Variants in TECPR2 observed in about 807,000 individuals in gnomAD.
TECPR2 encodes the protein tectonin beta-propeller repeat-containing protein 2.
In TECPR2, 65 loss-of-function variants were observed where a neutral mutation model predicts 138.1. The ratio of observed to expected loss-of-function variants is 0.47; its 90% confidence interval spans 0.39 to 0.58. TECPR2 has a LOEUF of 0.58. Among genes scored for constraint, TECPR2 ranks in the 20% least tolerant of loss-of-function variants. TECPR2 has a pLI of 0.00. For synonymous variants in TECPR2, 746 were observed against 749.8 expected, an observed-to-expected ratio of 0.99 and a Z score of 0.08; for missense variants, 1,553 against 1,824.5, an observed-to-expected ratio of 0.85 and a Z score of 2.71.
At chr14:102,414,944 C>A in intron 5 of TECPR2, 151 bp downstream of exon 5, 1 of 927,194 alleles carries the variant, frequency 1.1e-6, no homozygotes, top group Non-Finnish European at 1.6e-6. Flanking sequence ...GGGCCCTGTG[C>A]CTGCTTAGGA....
chr14:102,380,518 G>T (rs909014877), intron 2 of TECPR2, among the ~76,000 whole-genome samples: 1 of 151,752 alleles, frequency 6.6e-6, no homozygotes, highest in African/African-American at 2.4e-5. Flanking sequence ...AAGAACAGGA[G>T]GGGGGAAACC....
At chr14:102,497,210 G>C (rs984368395) in intron 18 of TECPR2, 90 bp downstream of exon 18, 9 of 1,506,120 alleles carry the variant, frequency 6.0e-6, no homozygotes, top group East Asian at 2.4e-5. Flanking sequence ...GCCGCTGTCT[G>C]TGAGGCAGCC....
In TECPR2 at chr14:102,484,747, C is replaced by G. The variant is rs117042657; in HGVS notation, c.3790-12232C>G. On this transcript the variant is annotated intron_variant, in intron 17 of 19. Transcript: ENST00000359520. ...GATCTCAGCTCACTGCAGCCTCCCC[C>G]TCCTGTGTTCAAGCAATTCTCTGCC... is the stretch of plus-strand genomic sequence containing the variant. Among the ~76,000 whole-genome samples, 6 of 152,296 alleles carry G rather than the reference C, an allele frequency of 3.9e-5. 1 individual carries two copies. Among genetic ancestry groups the G allele is most frequent in the South Asian group, 4.1e-4 (2 of 4,828 alleles).
At chr14:102,474,454 G>A (rs558239856) in intron 17 of TECPR2, among the ~76,000 whole-genome samples, 69 of 151,586 alleles carry the variant, frequency 4.6e-4, no homozygotes, top group African/African-American at 1.3e-3. Flanking sequence ...GAGAAACCCC[G>A]TCTCTACTAA....
At chr14:102,433,865 T>C (rs1850527524) in intron 8 of TECPR2, among the ~76,000 whole-genome samples, 1 of 152,154 alleles carries the variant, frequency 6.6e-6, no homozygotes, top group South Asian at 2.1e-4. Flanking sequence ...ACACTGAATT[T>C]TTCAAACCTT....
At chr14:102,367,804 A>G (rs1200801288) in intron 1 of TECPR2, among the ~76,000 whole-genome samples, 1 of 152,080 alleles carries the variant, frequency 6.6e-6, no homozygotes, top group Non-Finnish European at 1.5e-5. Flanking sequence ...TAACTCTGTA[A>G]CCTTTTGAAG....
Position 102,443,939 on chromosome 14 carries a change from C to G in TECPR2, c.2933+112C>G. ...CGTTCCTGGGAGGCAGCACCTGCAG[C>G]CTCCATGGCTATAGGCTAAGCTTGA... On this transcript the variant is annotated intron_variant, in intron 12 of 19. Transcript: ENST00000359520. This position sits in a 1 kb window ranked among gnomAD's most constrained non-coding sequence, Gnocchi z 4.9. The G allele has an allele frequency of 9.5e-7, 1 of 1,049,530 alleles. No individual in the cohort carries two copies. Among genetic ancestry groups the G allele is most frequent in the Non-Finnish European group, 1.3e-6 (1 of 756,476 alleles). 65.0% of individuals were successfully genotyped at this position (1,049,530 alleles called of 1,614,324 possible). A position where few individuals can be genotyped will look rare whatever the true frequency, so the allele number is the denominator to read the frequency against.
chr14:102,457,165 A>C (rs1171509737), intron 16 of TECPR2, among the ~76,000 whole-genome samples: 1 of 150,576 alleles, frequency 6.6e-6, no homozygotes, highest in Non-Finnish European at 1.5e-5. Context: ...GCTGACTGCG[A>C]CCTCCGCCTC....
chr14:102,496,485 C>T (rs774199625), intron 17 of TECPR2, among the ~76,000 whole-genome samples: 15 of 152,216 alleles, frequency 9.9e-5, no homozygotes, highest in Non-Finnish European at 1.8e-4. Context: ...AGTCTTGTGC[C>T]GCGGCCTGGT....
intron 17 of TECPR2, among the ~76,000 whole-genome samples, chr14:102,484,977 C>A (rs1054307082): frequency 4.6e-5 from 7 of 152,214 alleles, no homozygotes; most frequent in Non-Finnish European, 1.0e-4. Flanking sequence ...TTTGTTTAAC[C>A]CATTCCCTCT....
Position 102,425,085 on chromosome 14 carries a change from G to A in TECPR2, c.745G>A (p.Gly249Arg). 2 of 1,614,120 alleles carry A rather than the reference G, an allele frequency of 1.2e-6. No homozygotes were observed. The highest frequency in any genetic ancestry group is 1.7e-6 in the Non-Finnish European group (2 of 1,180,024). Residue 249 changes from glycine (G) to arginine (R), a missense_variant, in exon 6 of 20, where the codon GGG becomes AGG. Transcript: ENST00000359520. ...CCGGCTATGGAAGGCTGATGTCCACGGGACTGTTCAAGCCACGTTTATCTT... is the reference window on the plus strand; with the variant it reads ...CCGGCTATGGAAGGCTGATGTCCACAGGACTGTTCAAGCCACGTTTATCTT... ...GLRLWKADVH[G>R]TVQATFILKD...
intron 3 of TECPR2, among the ~76,000 whole-genome samples, chr14:102,407,798 C>T (rs1176710640): frequency 6.6e-6 from 1 of 152,138 alleles, no homozygotes; most frequent in Admixed American, 6.6e-5. Flanking sequence ...AGATCAAGAC[C>T]ATCCTGACTA....
At chr14:102,421,260 C>A (rs115616685) in intron 5 of TECPR2, among the ~76,000 whole-genome samples, 16 of 152,144 alleles carry the variant, frequency 1.1e-4, no homozygotes, top group Non-Finnish European at 1.9e-4. Flanking sequence ...TCCTCTGGTT[C>A]GCTCTATTTA....
chr14:102,438,256 T>A lies in TECPR2; in HGVS notation c.2578+51T>A, dbSNP rs773732036. ...GCTCCCTGCTCCCGCTCGCCGCTCC[T>A]GCTCCCCGCCCCCGGGGTGCAGACA... is the stretch of plus-strand genomic sequence containing the variant. On this transcript the variant is annotated intron_variant, in intron 10 of 19. Coordinates refer to ENST00000359520, the MANE Select transcript of TECPR2 (RefSeq NM_014844.5). 13 of 1,558,466 alleles carry A rather than the reference T, an allele frequency of 8.3e-6. No individual in the cohort carries two copies. The South Asian group carries it at 1.5e-4, about 18-fold the overall frequency.
intron 16 of TECPR2, among the ~76,000 whole-genome samples, chr14:102,461,678 G>T (rs565494375): frequency 7.2e-5 from 11 of 152,320 alleles, no homozygotes; most frequent in Admixed American, 7.2e-4. Context: ...CCCTGCATCT[G>T]TCCTCTTCTA....
At chr14:102,438,291 AG>A (rs1225843674) in intron 10 of TECPR2, 86 bp downstream of exon 10, 83 of 1,462,160 alleles carry the variant, frequency 5.7e-5, no homozygotes, top group Non-Finnish European at 7.3e-5. Flanking sequence ...ATCTTAGTAC[AG>A]GGCTCCCCTG....
At chr14:102,380,524 A>G (rs143019082) in intron 2 of TECPR2, among the ~76,000 whole-genome samples, 1,595 of 152,260 alleles carry the variant, frequency 0.01, 30 homozygotes, top group African/African-American at 0.036. Flanking sequence ...AGGAGGGGGG[A>G]AACCATGCCC....
At position 102,498,985 on chromosome 14, in the gene TECPR2, A is replaced by ACACCGCACTG. The variant is rs1567367321; in HGVS notation, c.*737_*746dup. 7.2e-6 allele frequency: 5 copies of ACACCGCACTG among 696,764 alleles called. No homozygotes were observed. The highest frequency in any genetic ancestry group is 5.4e-5 in the East Asian group (2 of 36,838). 43.2% of individuals were successfully genotyped at this position (696,764 alleles called of 1,614,324 possible). The stretch of plus-strand genomic sequence containing the variant: ...CTCACCACACAACACACCACACCCC[A>ACACCGCACTG]CACCGCACTGCACCGCACCGCACCG... On this transcript the variant is annotated 3_prime_UTR_variant, in exon 20 of 20. Transcript: ENST00000359520.
At chr14:102,433,765 A>G (rs879637606) in intron 8 of TECPR2, among the ~76,000 whole-genome samples, 5 of 151,888 alleles carry the variant, frequency 3.3e-5, no homozygotes, top group Admixed American at 2.6e-4. Context: ...AAGGTGGCCC[A>G]CCCGCCTCGG....
Sources: gnomAD v4.1 joint callset for allele counts (sites outside exome capture counted in the v4.1 genomes callset) on GRCh38, gnomAD v4.1.1 for gene constraint, Gnocchi (gnomAD v3.1) non-coding constraint, MANE v1.5 for transcripts, NCBI Gene and HGNC (gene_info 2026-07-23, HGNC 2026-07-21) for gene names.